Variants in ZNF507 observed in about 807,000 individuals in gnomAD.
ZNF507 encodes the protein zinc finger protein 507.
Under a neutral mutation model 80.0 loss-of-function variants are expected in ZNF507, and 29 were observed. The ratio of observed to expected loss-of-function variants is 0.36; its 90% CI spans 0.27 to 0.49. The LOEUF (loss-of-function observed/expected upper bound fraction) is 0.49, where lower values mean the gene tolerates loss of function less well. ZNF507 is among the 20% of genes least tolerant of loss of function. The pLI, the probability that ZNF507 is intolerant of heterozygous loss-of-function variation, is 0.98. For synonymous variants in ZNF507, 462 were observed against 422.5 expected, an observed-to-expected ratio of 1.09 and a Z score of -1.15; for missense variants, 1,081 against 1,152.2, an observed-to-expected ratio of 0.94 and a Z score of 0.90.
chr19:32,356,796 T>C, intron 4 of ZNF507, 63 bp downstream of exon 4: 1 of 1,264,320 alleles, frequency 7.9e-7, no homozygotes, highest in Non-Finnish European at 1.2e-6. Flanking sequence ...GTGCCCTTAG[T>C]TGTCATGGTT....
chr19:32,351,999 G>C (rs1265577197), intron 2 of ZNF507, among the ~76,000 whole-genome samples: 2 of 150,446 alleles, frequency 1.3e-5, no homozygotes, highest in Non-Finnish European at 3.0e-5. Flanking sequence ...TAAGGACTCT[G>C]TTCATATCTG....
rs1340596421 is a variant in ZNF507, at chr19:32,354,046, G to A, written c.1216G>A (p.Glu406Lys). 2 of 1,614,110 alleles carry A rather than the reference G, an allele frequency of 1.2e-6. No homozygotes were observed. The highest frequency in any genetic ancestry group is 1.7e-6 in the Non-Finnish European group (2 of 1,180,012). The change falls in exon 3 of 7, where the codon GAA (glutamate) becomes AAA (lysine). Residue 406 changes from glutamate to lysine, a missense_variant. Glu to Lys is a moderately conservative substitution (Grantham distance 56). Coordinates refer to ENST00000355898, the MANE Select transcript of ZNF507 (RefSeq NM_001136156.2). ...NVIVERLPSA[E>K]ETLSQKRFLM... ...GATAGTGGAGCGATTGCCAAGTGCT[G>A]AAGAAACCCTTTCACAGAAGCGCTT...
chr19:32,356,707 C>G lies in ZNF507; in HGVS notation c.2219C>G (p.Thr740Arg), dbSNP rs1250944117. Residue 740 changes from threonine to arginine, a missense_variant, in exon 4 of 7, where the codon ACA becomes AGA. Coordinates refer to ENST00000355898, the MANE Select transcript of ZNF507 (RefSeq NM_001136156.2). ...TSNEPRISSD[T>R]ADGKCVQEGN... ...AATGAGCCAAGAATTTCCAGTGATA[C>G]AGCTGATGGAAAATGTGTCCAGGAA... 1.5e-5 allele frequency: 25 copies of G among 1,613,720 alleles called. No homozygotes were observed. The highest frequency in any genetic ancestry group is 3.3e-5 in the Admixed American group (2 of 60,008).
intron 5 of ZNF507, among the ~76,000 whole-genome samples, chr19:32,375,411 G>A (rs1207803381): frequency 2.0e-5 from 3 of 152,352 alleles, no homozygotes; most frequent in Middle Eastern, 3.4e-3. Context: ...ACACAGGGAC[G>A]TGATAAACGA....
intron 1 of ZNF507, among the ~76,000 whole-genome samples, chr19:32,346,711 A>AT (rs371262568): frequency 1.4e-3 from 212 of 152,292 alleles, no homozygotes; most frequent in African/African-American, 4.9e-3. Flanking sequence ...ACGAATAAGC[A>AT]TTTTTTTATC....
intron 5 of ZNF507, among the ~76,000 whole-genome samples, chr19:32,366,839 T>C (rs1967406034): frequency 6.6e-6 from 1 of 152,252 alleles, no homozygotes; most frequent in African/African-American, 2.4e-5. Context: ...ACCAGCACTT[T>C]GTGTTGTCAG....
chr19:32,373,454 G>T (rs1267919563), intron 5 of ZNF507, among the ~76,000 whole-genome samples: 1 of 152,178 alleles, frequency 6.6e-6, no homozygotes, highest in Non-Finnish European at 1.5e-5. Context: ...CTTATCGAGT[G>T]GTTTGAACAG....
intron 5 of ZNF507, among the ~76,000 whole-genome samples, chr19:32,362,389 G>T (rs867335891): frequency 4.1e-4 from 62 of 152,274 alleles, no homozygotes; most frequent in African/African-American, 1.3e-3. Context: ...ATTTCTCCGG[G>T]TCCAGAATTA....
intron 5 of ZNF507, among the ~76,000 whole-genome samples, chr19:32,373,216 G>T (rs75952740): frequency 7.1e-6 from 1 of 141,496 alleles, no homozygotes; most frequent in Non-Finnish European, 1.5e-5. Context: ...TAGGAATTTC[G>T]GGGGGGGCAC....
intron 5 of ZNF507, among the ~76,000 whole-genome samples, chr19:32,364,076 T>G (rs1417378969): frequency 6.6e-6 from 1 of 152,204 alleles, no homozygotes; most frequent in Non-Finnish European, 1.5e-5. Context: ...ATTTATGAAG[T>G]ACCCAGCATG....
chr19:32,381,258 G>T (rs1967619055), intron 5 of ZNF507, among the ~76,000 whole-genome samples: 1 of 152,164 alleles, frequency 6.6e-6, no homozygotes, highest in Admixed American at 6.5e-5. Context: ...TTTTAGGGCA[G>T]TGAAACTATT....
chr19:32,354,251 C>A lies in ZNF507; in HGVS notation c.1421C>A (p.Thr474Asn), dbSNP rs140268134. 30 of 1,614,022 alleles carry A rather than the reference C, an allele frequency of 1.9e-5. No individual in the cohort carries two copies. Among genetic ancestry groups the A allele is most frequent in the Non-Finnish European group, 2.5e-5 (30 of 1,180,046 alleles). The change falls in exon 3 of 7, where the codon ACT becomes AAT. Residue 474 changes from threonine to asparagine, a missense_variant. This residue lies in a region of ZNF507 where 614 missense variants were observed against 583.9 expected (regional missense o/e 1.05). Coordinates refer to ENST00000355898, the MANE Select transcript of ZNF507 (RefSeq NM_001136156.2). The part of the protein sequence containing the change: ...KDELMNKGLA[T>N]DENAPPGRRR... The stretch of plus-strand genomic sequence containing the variant: ...GAGTTAATGAATAAAGGCCTGGCTA[C>A]TGATGAGAATGCCCCACCAGGCCGG...
chr19:32,355,776 C>T (rs1303044454), intron 3 of ZNF507, among the ~76,000 whole-genome samples: 3 of 151,904 alleles, frequency 2.0e-5, no homozygotes, highest in Non-Finnish European at 2.9e-5. Context: ...CCGAGGCGGG[C>T]AGATCATGAG....
chr19:32,354,216 G>A lies in ZNF507; in HGVS notation c.1386G>A (p.Glu462=). 1 of 1,613,762 alleles carries A rather than the reference G, an allele frequency of 6.2e-7. No individual in the cohort carries two copies. The highest frequency in any genetic ancestry group is 8.5e-7 in the Non-Finnish European group (1 of 1,180,002). Residue 462 remains glutamate, a synonymous_variant, in exon 3 of 7, where the codon GAG becomes GAA. Transcript: ENST00000355898. Reference sequence around the variant, plus strand: ...TGATCATAGGCTGGAGCAGTTCAGAGAAAAAAGACGAGTTAATGAATAAAG... The same window carrying A: ...TGATCATAGGCTGGAGCAGTTCAGAAAAAAAAGACGAGTTAATGAATAAAG... ...GGLIIGWSSS[E]KKDELMNKGL...
At chr19:32,370,015 A>C (rs1280608788) in intron 5 of ZNF507, among the ~76,000 whole-genome samples, 1 of 152,170 alleles carries the variant, frequency 6.6e-6, no homozygotes, top group Non-Finnish European at 1.5e-5. Context: ...GCTTGTTAGC[A>C]TGAGGCCTCC....
Position 32,383,263 on chromosome 19 carries a change from T to A in ZNF507, c.*180T>A. Reference sequence around the variant, plus strand: ...AAAGGAATTCCAAATGGACAAGCAGTAATGATATTTAAATATTTTGAGTGA... The same window carrying A: ...AAAGGAATTCCAAATGGACAAGCAGAAATGATATTTAAATATTTTGAGTGA... On this transcript the variant is annotated 3_prime_UTR_variant, in exon 7 of 7. Transcript: ENST00000355898. 1 of 746,544 alleles carries A rather than the reference T, an allele frequency of 1.3e-6. No homozygotes were observed. The highest frequency in any genetic ancestry group is 2.1e-6 in the Non-Finnish European group (1 of 476,304). 46.2% of individuals were successfully genotyped at this position (746,544 alleles called of 1,614,324 possible). A position where few individuals can be genotyped will look rare whatever the true frequency, so the allele number is the denominator to read the frequency against.
chr19:32,367,190 C>CA (rs1385703784), intron 5 of ZNF507, among the ~76,000 whole-genome samples: 1 of 152,118 alleles, frequency 6.6e-6, no homozygotes, highest in Non-Finnish European at 1.5e-5. Flanking sequence ...GGAGGAGGTA[C>CA]AGGCTCTTCT....
chr19:32,351,419 CTGTGTGTGTGTGTG>C lies in ZNF507; in HGVS notation c.-2-1371_-2-1358del, dbSNP rs5823. On this transcript the variant is annotated intron_variant, in intron 2 of 6. Transcript: ENST00000355898. ...GCGACCTGGCACTGAAGCTGGTCAG[CTGTGTGTGTGTGTG>C]TGTGTGTGTGTGTGTGTGTGTGTGT... Among the ~76,000 whole-genome samples the C allele has an allele frequency of 4.6e-3, 245 of 52,840 alleles. 1 individual carries two copies. The highest frequency in any genetic ancestry group is 0.013 in the African/African-American group (179 of 13,278). 34.7% of individuals were successfully genotyped at this position (52,840 alleles called of 152,430 possible).
chr19:32,354,504 C>T lies in ZNF507; in HGVS notation c.1674C>T (p.Asn558=), dbSNP rs769836142. The T allele has an allele frequency of 1.9e-6, 3 of 1,614,154 alleles. No individual in the cohort carries two copies. The highest frequency in any genetic ancestry group is 2.5e-6 in the Non-Finnish European group (3 of 1,180,030). Residue 558 remains asparagine, a synonymous_variant, in exon 3 of 7, where the codon AAC becomes AAT. Transcript: ENST00000355898. ...KNSSDGLTSL[N]QSNSTLVALP... Reference sequence around the variant, plus strand: ...CTTCAGATGGATTAACTAGTCTTAACCAAAGCAACTCCACCTTGGTAGCAC... The same window carrying T: ...CTTCAGATGGATTAACTAGTCTTAATCAAAGCAACTCCACCTTGGTAGCAC...
Sources: gnomAD v4.1 joint callset for allele counts (sites outside exome capture counted in the v4.1 genomes callset) on GRCh38, gnomAD v4.1.1 for gene constraint, gnomAD v4.1.1 regional missense constraint, MANE v1.5 for transcripts, NCBI Gene and HGNC (gene_info 2026-07-23, HGNC 2026-07-21) for gene names.